Variants in MKLN1 observed in about 807,000 individuals in gnomAD.
MKLN1 encodes muskelin.
A neutral mutation model predicts 99.0 loss-of-function variants in MKLN1; 18 were observed. The ratio of observed to expected loss-of-function variants is 0.18; its 90% CI spans 0.13 to 0.27. The LOEUF is 0.27. MKLN1 is among the 10% of genes least tolerant of loss of function. The probability of loss-of-function intolerance (pLI) is 1.00; values close to 1 mark genes in which losing one functional copy is unlikely to be tolerated. For missense variants in MKLN1, 621 were observed against 875.9 expected, an observed-to-expected ratio of 0.71 and a Z score of 3.67; for synonymous variants, 288 against 293.2, an observed-to-expected ratio of 0.98 and a Z score of 0.18.
chr7:131,161,993 ATATATAT>A (rs1796060239), intron 2 of MKLN1, among the ~76,000 whole-genome samples: 1 of 85,450 alleles, frequency 1.2e-5, no homozygotes, highest in African/African-American at 4.6e-5. Context: ...ATATATATAT[ATATATAT>A]GTAACAGAGT....
intron 3 of MKLN1, among the ~76,000 whole-genome samples, chr7:131,276,706 CTGT>C (rs1420619428): frequency 9.2e-5 from 14 of 152,266 alleles, no homozygotes; most frequent in Middle Eastern, 6.8e-3. Context: ...GGGATAAAAA[CTGT>C]TGTTGTTGTA....
At chr7:131,316,561 C>T (rs1328486579) in intron 3 of MKLN1, among the ~76,000 whole-genome samples, 3 of 152,122 alleles carry the variant, frequency 2.0e-5, no homozygotes, top group Admixed American at 1.3e-4. Context: ...TCCAAATGAT[C>T]GCAACTCCTC....
chr7:131,300,626 G>T (rs2116618943), intron 3 of MKLN1, among the ~76,000 whole-genome samples: 1 of 146,306 alleles, frequency 6.8e-6, no homozygotes, highest in East Asian at 2.0e-4. Flanking sequence ...GAAAGAGATT[G>T]CAGTGAGTTG....
chr7:131,292,430 G>T (rs770396243), intron 3 of MKLN1, among the ~76,000 whole-genome samples: 2 of 152,176 alleles, frequency 1.3e-5, no homozygotes, highest in Non-Finnish European at 2.9e-5. Context: ...AAAAAGATAT[G>T]TTGAAGTCCT....
intron 16 of MKLN1, among the ~76,000 whole-genome samples, chr7:131,472,572 A>G (rs1235379838): frequency 6.9e-6 from 1 of 145,318 alleles, no homozygotes; most frequent in East Asian, 2.0e-4. Context: ...AGTAGAAGTT[A>G]GAAAGAAATG....
In MKLN1 at chr7:131,398,712, A is replaced by G. The variant is rs143367798; in HGVS notation, c.511-529A>G. ...TCTCAAAAAAAGAAAGAAAAAAAAA[A>G]AGATTAAATGTCTCTTTTTGATGAT... On this transcript the variant is annotated intron_variant, in intron 5 of 17. Transcript: ENST00000352689. Among the ~76,000 whole-genome samples, 757 of 152,206 alleles carry G rather than the reference A, an allele frequency of 5.0e-3. 7 individuals carry two copies. The highest frequency in any genetic ancestry group is 0.017 in the African/African-American group (723 of 41,520).
At chr7:131,381,841 A>G (rs115270288) in intron 2 of MKLN1, among the ~76,000 whole-genome samples, 1,805 of 152,252 alleles carry the variant, frequency 0.012, 31 homozygotes, top group African/African-American at 0.041. Flanking sequence ...ATATCTTTAT[A>G]TGGGTTCATT....
chr7:131,191,672 C>CA (rs1174682832), intron 2 of MKLN1, among the ~76,000 whole-genome samples: 1 of 151,612 alleles, frequency 6.6e-6, no homozygotes, highest in East Asian at 1.9e-4. Context: ...GTGTTACCTC[C>CA]AATTGGTCTG....
chr7:131,456,826 G>A (rs188730772), intron 12 of MKLN1, among the ~76,000 whole-genome samples: 1 of 152,100 alleles, frequency 6.6e-6, no homozygotes, highest in African/African-American at 2.4e-5. Context: ...GTTAAGGCCT[G>A]GCCTTTGAGT....
chr7:131,275,775 G>T (rs1314279644), intron 3 of MKLN1, among the ~76,000 whole-genome samples: 1 of 151,220 alleles, frequency 6.6e-6, no homozygotes, highest in Non-Finnish European at 1.5e-5. Context: ...AATTTGAGAG[G>T]TTGTTATTCA....
At chr7:131,338,089 T>A (rs1799303062) in intron 1 of MKLN1, among the ~76,000 whole-genome samples, 1 of 152,180 alleles carries the variant, frequency 6.6e-6, no homozygotes, top group African/African-American at 2.4e-5. Flanking sequence ...AGAGATTGGG[T>A]ATTTTTAGGG....
chr7:131,231,088 C>T (rs1022785449), intron 3 of MKLN1, among the ~76,000 whole-genome samples: 5 of 132,206 alleles, frequency 3.8e-5, no homozygotes, highest in Admixed American at 3.7e-4. Flanking sequence ...CCACTGCACT[C>T]CAGCCTGGGT....
intron 1 of MKLN1, among the ~76,000 whole-genome samples, chr7:131,136,705 G>A (rs922639810): frequency 3.9e-5 from 6 of 152,146 alleles, no homozygotes; most frequent in Non-Finnish European, 8.8e-5. Flanking sequence ...AACAACTCCC[G>A]TTGCACCACA....
At chr7:131,452,544 CTTTTTTTTTTT>C (rs1159344518) in intron 12 of MKLN1, among the ~76,000 whole-genome samples, 48 of 70,366 alleles carry the variant, frequency 6.8e-4, no homozygotes, top group Middle Eastern at 0.014. Flanking sequence ...TCCTTTTATA[CTTTTTTTTTTT>C]TTTTTTTTTT....
At position 131,411,382 on chromosome 7, in the gene MKLN1, A is replaced by G. The variant is rs768442775; in HGVS notation, c.780A>G (p.Lys260=). Residue 260 remains lysine (K), a splice_region_variant and synonymous_variant, in exon 7 of 18, where the codon AAA becomes AAG. Coordinates refer to ENST00000352689, the MANE Select transcript of MKLN1 (RefSeq NM_013255.5). The stretch of plus-strand genomic sequence containing the variant: ...GTCAAATCATTCCCAAAAGTACCAA[A>G]GGTAAGCCATACCTTCTAGATTGTA... ...RWSQIIPKST[K]GDGEDNRPGM... is the part of the protein sequence containing the mutation. The G allele has an allele frequency of 7.5e-6, 12 of 1,595,680 alleles. No homozygotes were observed. The highest frequency in any genetic ancestry group is 1.1e-5 in the South Asian group (1 of 90,666).
At chr7:131,238,479 G>A (rs1318038744) in intron 3 of MKLN1, among the ~76,000 whole-genome samples, 2 of 152,180 alleles carry the variant, frequency 1.3e-5, no homozygotes, top group Non-Finnish European at 2.9e-5. Context: ...TCCATTGGAG[G>A]TCATGAGATC....
chr7:131,115,314 C>T (rs1795257653), intron 1 of MKLN1, among the ~76,000 whole-genome samples: 1 of 152,212 alleles, frequency 6.6e-6, no homozygotes, highest in African/African-American at 2.4e-5. Flanking sequence ...CTTGATTCTT[C>T]TCTTTTCCTC....
chr7:131,195,507 TA>T (rs199916287), intron 2 of MKLN1, among the ~76,000 whole-genome samples: 8 of 149,110 alleles, frequency 5.4e-5, no homozygotes, highest in Non-Finnish European at 6.0e-5. Flanking sequence ...TGAGACTGTC[TA>T]AAAAAAAAAT....
intron 1 of MKLN1, among the ~76,000 whole-genome samples, chr7:131,342,396 C>T (rs1371792953): frequency 6.6e-6 from 1 of 152,220 alleles, no homozygotes; most frequent in Non-Finnish European, 1.5e-5. Flanking sequence ...AGTGTACAGA[C>T]ATGTACACAC....
Sources: allele counts gnomAD v4.1 joint callset (sites outside exome capture counted in the v4.1 genomes callset), GRCh38; gene constraint gnomAD v4.1.1; transcripts MANE v1.5; gene names NCBI Gene and HGNC (gene_info 2026-07-23, HGNC 2026-07-21).